Variants in GPBP1L1 observed in about 807,000 individuals in gnomAD.
The protein encoded by GPBP1L1 is GC-rich promoter binding protein 1 like 1.
Under a neutral mutation model 52.5 loss-of-function variants are expected in GPBP1L1, and 23 were observed. The ratio of observed to expected loss-of-function variants is 0.44; its 90% confidence interval spans 0.32 to 0.62. GPBP1L1 has a LOEUF of 0.62. Among genes scored for constraint, GPBP1L1 ranks in the 20% least tolerant of loss-of-function variants. The probability of loss-of-function intolerance (pLI) is 0.06; values close to 1 mark genes in which losing one functional copy is unlikely to be tolerated. For synonymous variants in GPBP1L1, 243 were observed against 203.1 expected (o/e 1.20, Z -1.67); for missense variants, 596 against 579.3 (o/e 1.03, Z -0.30).
chr1:45,676,407 CCTG>C (rs1326319459), intron 2 of GPBP1L1, among the ~76,000 whole-genome samples: 1 of 151,826 alleles, frequency 6.6e-6, no homozygotes, highest in Non-Finnish European at 1.5e-5. Context: ...TTAAGACAAA[CCTG>C]GGAAACAGGG....
chr1:45,630,394 G>T (rs1270108463), intron 11 of GPBP1L1, 88 bp downstream of exon 11: 5 of 1,459,640 alleles, frequency 3.4e-6, no homozygotes, highest in Non-Finnish European at 4.7e-6. Context: ...CTGCATGTGG[G>T]ACCTATCTAT....
chr1:45,630,412 A>C, intron 11 of GPBP1L1, 70 bp downstream of exon 11: 1 of 1,547,384 alleles, frequency 6.5e-7, no homozygotes, highest in Non-Finnish European at 8.8e-7. Context: ...TATCTGAGAT[A>C]TCTTCTCCAG....
chr1:45,664,753 G>A (rs928969722), intron 2 of GPBP1L1, among the ~76,000 whole-genome samples: 16 of 151,846 alleles, frequency 1.1e-4, no homozygotes, highest in African/African-American at 3.4e-4. Context: ...TCAGATCACT[G>A]CAACCTCTGC....
chr1:45,655,862 T>G (rs2148473182), intron 4 of GPBP1L1: 1 of 153,210 alleles, frequency 6.5e-6, no homozygotes, highest in Middle Eastern at 3.3e-3. Flanking sequence ...TGCTTACCCT[T>G]GAGCTTAAAG....
intron 4 of GPBP1L1, among the ~76,000 whole-genome samples, chr1:45,656,927 C>A (rs1644892284): frequency 6.6e-6 from 1 of 152,098 alleles, no homozygotes; most frequent in Non-Finnish European, 1.5e-5. Context: ...TTCAAGCAAT[C>A]CTTCTGCCTC....
At chr1:45,678,626 C>T (rs1317952978) in intron 2 of GPBP1L1, among the ~76,000 whole-genome samples, 6 of 152,104 alleles carry the variant, frequency 3.9e-5, no homozygotes, top group Non-Finnish European at 8.8e-5. Context: ...AGGATGCAAT[C>T]ATACCAAACC....
At chr1:45,637,543 G>GTTTTTTTTTTT (rs1553179402) in intron 8 of GPBP1L1, among the ~76,000 whole-genome samples, 18 of 98,670 alleles carry the variant, frequency 1.8e-4, no homozygotes, top group South Asian at 3.8e-4. Context: ...CTTTATATTA[G>GTTTTTTTTTTT]TTTTCCAATC....
intron 2 of GPBP1L1, among the ~76,000 whole-genome samples, chr1:45,682,640 T>A (rs1315833626): frequency 6.6e-6 from 1 of 152,222 alleles, no homozygotes; most frequent in Non-Finnish European, 1.5e-5. Flanking sequence ...AATAAATGAT[T>A]GAGCTGTTTT....
chr1:45,685,345 A>G (rs1645266939), intron 2 of GPBP1L1, among the ~76,000 whole-genome samples: 1 of 152,328 alleles, frequency 6.6e-6, no homozygotes, highest in East Asian at 1.9e-4. Flanking sequence ...CTTACTACTA[A>G]ACTAAAACAT....
intron 2 of GPBP1L1, among the ~76,000 whole-genome samples, chr1:45,668,956 CTG>C (rs1264191294): frequency 5.9e-5 from 9 of 152,100 alleles, no homozygotes; most frequent in Non-Finnish European, 1.0e-4. Flanking sequence ...GACAGTGAGA[CTG>C]TGTCTAAAAA....
rs886302308 is a variant in GPBP1L1, at chr1:45,627,615, A to C, written c.*641T>G. On this transcript the variant is annotated 3_prime_UTR_variant, in exon 13 of 13. Transcript: ENST00000355105. ...TATCAAAATAATCTTAATCTTTGAA[A>C]TCTCACAAAAATTTATATTTTACAA... 3.9e-5 allele frequency: 6 copies of C among 152,574 alleles called. No individual in the cohort carries two copies. Among genetic ancestry groups the C allele is most frequent in the Non-Finnish European group, 7.3e-5 (5 of 68,038 alleles). 9.5% of individuals were successfully genotyped at this position (152,574 alleles called of 1,614,324 possible).
At chr1:45,655,067 G>T in intron 5 of GPBP1L1, 123 bp downstream of exon 5, 1 of 1,264,288 alleles carries the variant, frequency 7.9e-7, no homozygotes, top group Non-Finnish European at 1.1e-6. Flanking sequence ...GACTACTAGA[G>T]AATCTAAATG....
intron 12 of GPBP1L1, 108 bp downstream of exon 12, chr1:45,629,466 CCA>C: frequency 2.0e-5 from 3 of 152,718 alleles, no homozygotes; most frequent in South Asian, 3.8e-4. Context: ...CCCCCCCCCC[CCA>C]CCCGATCTTT....
intron 2 of GPBP1L1, among the ~76,000 whole-genome samples, chr1:45,682,605 T>TC (rs1407300199): frequency 6.6e-6 from 1 of 152,230 alleles, no homozygotes; most frequent in Non-Finnish European, 1.5e-5. Flanking sequence ...ATCTAGATAC[T>TC]CCCAATCCCT....
At chr1:45,639,464 C>T (rs1458627584) in intron 8 of GPBP1L1, among the ~76,000 whole-genome samples, 2 of 151,658 alleles carry the variant, frequency 1.3e-5, no homozygotes, top group Admixed American at 6.6e-5. Context: ...TGGTGGCTCA[C>T]GCCCATAATC....
chr1:45,637,027 T>C (rs904411986), intron 8 of GPBP1L1, among the ~76,000 whole-genome samples: 2 of 152,184 alleles, frequency 1.3e-5, no homozygotes, highest in African/African-American at 2.4e-5. Flanking sequence ...CCAAGCAACA[T>C]AGTAAGATGT....
At chr1:45,650,394 A>G (rs531019049) in intron 6 of GPBP1L1, among the ~76,000 whole-genome samples, 8 of 152,308 alleles carry the variant, frequency 5.3e-5, no homozygotes, top group African/African-American at 1.2e-4. Context: ...ACCATTTAAA[A>G]ATCTGTGTTC....
chr1:45,645,761 GTTTTTTGT>G (rs1222841092), intron 6 of GPBP1L1: 2 of 304,902 alleles, frequency 6.6e-6, no homozygotes, highest in African/African-American at 5.9e-5. Flanking sequence ...ATATTCCGAA[GTTTTTTGT>G]TTTTTTTTTT....
At chr1:45,673,640 T>C (rs1319547086) in intron 2 of GPBP1L1, among the ~76,000 whole-genome samples, 3 of 152,146 alleles carry the variant, frequency 2.0e-5, no homozygotes, top group Non-Finnish European at 4.4e-5. Flanking sequence ...TGCAGGCGGA[T>C]CACAAGGTCA....
Sources: gnomAD v4.1 joint callset for allele counts (sites outside exome capture counted in the v4.1 genomes callset) on GRCh38, gnomAD v4.1.1 for gene constraint, MANE v1.5 for transcripts, NCBI Gene and HGNC (gene_info 2026-07-23, HGNC 2026-07-21) for gene names.